The following METTL9 variants were observed in gnomAD, a reference collection of about 807,000 sequenced individuals.
METTL9 encodes protein-L-histidine N-pros-methyltransferase.
A neutral mutation model predicts 36.0 loss-of-function variants in METTL9; 10 were observed. The ratio of observed to expected loss-of-function variants is 0.28; its 90% CI spans 0.17 to 0.47. The LOEUF is 0.47. Ranked by LOEUF, METTL9 falls within the 20% of genes least tolerant of loss-of-function variation. The pLI is 0.99. For missense variants in METTL9, 246 were observed against 383.5 expected (o/e 0.64, Z 3.00); for synonymous variants, 175 against 149.7 (o/e 1.17, Z -1.23).
chr16:21,606,393 A>T (rs1343141685), intron 1 of METTL9, among the ~76,000 whole-genome samples: 1 of 152,042 alleles, frequency 6.6e-6, no homozygotes, highest in Non-Finnish European at 1.5e-5. Flanking sequence ...ATTACAAAGG[A>T]TACAATTGGG....
chr16:21,602,004 G>A (rs1965144750), intron 1 of METTL9, among the ~76,000 whole-genome samples: 1 of 152,158 alleles, frequency 6.6e-6, no homozygotes, highest in Non-Finnish European at 1.5e-5. Flanking sequence ...TCTGCACTGT[G>A]GCTGGAGTTG....
chr16:21,632,664 C>T (rs535989275), intron 4 of METTL9, among the ~76,000 whole-genome samples: 26 of 152,138 alleles, frequency 1.7e-4, no homozygotes, highest in Non-Finnish European at 3.7e-4. Context: ...TAGCCATAAA[C>T]TTCCTTTGGC....
chr16:21,628,487 TTC>T (rs1377609443), intron 4 of METTL9, among the ~76,000 whole-genome samples: 3 of 152,080 alleles, frequency 2.0e-5, no homozygotes, highest in Non-Finnish European at 2.9e-5. Flanking sequence ...CCACTTTTTT[TTC>T]TTTCTTTCTT....
intron 4 of METTL9, chr16:21,626,836 G>C: frequency 1.6e-6 from 1 of 630,554 alleles, no homozygotes; most frequent in Non-Finnish European, 2.0e-6. Context: ...CCGCATGATA[G>C]AACTTTAATG....
At chr16:21,601,530 GCA>G (rs1965126398) in intron 1 of METTL9, among the ~76,000 whole-genome samples, 1 of 152,042 alleles carries the variant, frequency 6.6e-6, no homozygotes, top group South Asian at 2.1e-4. Context: ...TAAAAGAATT[GCA>G]CTTATTTTAA....
Position 21,599,638 on chromosome 16 carries a change from G to T in METTL9, c.-96G>T. 2 of 1,339,872 alleles carry T rather than the reference G, an allele frequency of 1.5e-6. No individual in the cohort carries two copies. Among genetic ancestry groups the T allele is most frequent in the Non-Finnish European group, 1.9e-6 (2 of 1,054,576 alleles). The allele number at this position is 1,339,872 out of a possible 1,614,324, so 83.0% of individuals were successfully genotyped here. On this transcript the variant is annotated 5_prime_UTR_variant, in exon 1 of 5. Coordinates refer to ENST00000358154, the MANE Select transcript of METTL9 (RefSeq NM_016025.5). This position sits in a 1 kb window ranked among gnomAD's most constrained non-coding sequence, Gnocchi z 4.4. ...ATGGGCAAGGCGGCCGCGATGGCTC[G>T]AGCTCGGGCGGTGGCGGCGGTGGCC...
At chr16:21,641,641 A>G (rs755247365) in intron 4 of METTL9, 13 of 1,247,408 alleles carry the variant, frequency 1.0e-5, no homozygotes, top group East Asian at 4.8e-5. Flanking sequence ...TATGTAACCA[A>G]TGAAGCCAAC....
Position 21,641,170 on chromosome 16 carries a change from C to G in METTL9, c.752-14057C>G, listed in dbSNP as rs149283702. The G allele has an allele frequency of 3.1e-3, 496 of 161,328 alleles. 4 individuals are homozygous for G. Among genetic ancestry groups the G allele is most frequent in the South Asian group, 0.016 (80 of 5,004 alleles). The allele number at this position is 161,328 out of a possible 1,614,324, so 10.0% of individuals were successfully genotyped here. ...ACTTATTTTAATTGTGCCATGATTT[C>G]CACAAACCATAAAGGTGATTCTTCC... On this transcript the variant is annotated intron_variant, in intron 4 of 4. Transcript: ENST00000358154.
chr16:21,617,499 G>A (rs1231799563), intron 2 of METTL9, among the ~76,000 whole-genome samples: 1 of 151,786 alleles, frequency 6.6e-6, no homozygotes, highest in African/African-American at 2.4e-5. Context: ...AGGCCGAGGC[G>A]GGTAGATCAC....
rs566295257 is a variant in METTL9, at chr16:21,646,171, G to A, written c.752-9056G>A. On this transcript the variant is annotated intron_variant, in intron 4 of 4. Transcript: ENST00000358154. Reference sequence around the variant, plus strand: ...CTGAAATTCCCCCTTTTTTTTTCTCGGGAATGTCTTAATCTCAGTTTACTC... The same window carrying A: ...CTGAAATTCCCCCTTTTTTTTTCTCAGGAATGTCTTAATCTCAGTTTACTC... 7.4e-5 allele frequency among the ~76,000 whole-genome samples: 11 copies of A among 149,596 alleles called. No homozygotes were observed. In the South Asian group the frequency reaches 2.1e-3, roughly 29 times the overall value.
intron 4 of METTL9, chr16:21,654,935 C>G (rs530612958): frequency 1.0e-5 from 4 of 401,496 alleles, no homozygotes. Flanking sequence ...CTACCCAAAA[C>G]TGTCAGAGAA....
chr16:21,599,473 C>T (rs996608878), upstream of METTL9: 2 of 1,175,412 alleles, frequency 1.7e-6, no homozygotes, highest in Non-Finnish European at 2.1e-6. The surrounding 1 kb of genome is among the most constrained non-coding windows in gnomAD (Gnocchi z 4.4). Flanking sequence ...GAGAAAGCGA[C>T]GCGGCCGCTC....
intron 4 of METTL9, among the ~76,000 whole-genome samples, chr16:21,637,023 AC>A (rs1242846836): frequency 1.3e-5 from 2 of 152,118 alleles, no homozygotes; most frequent in Non-Finnish European, 2.9e-5. Flanking sequence ...AGTGAGTATT[AC>A]AGCTCTTAAA....
chr16:21,608,640 G>A (rs1011902246), intron 1 of METTL9, among the ~76,000 whole-genome samples: 68 of 152,112 alleles, frequency 4.5e-4, no homozygotes, highest in African/African-American at 1.5e-3. Flanking sequence ...GGACATTTTG[G>A]GCTGTCATTT....
chr16:21,626,562 C>A (rs758390871), intron 4 of METTL9, among the ~76,000 whole-genome samples: 5 of 152,156 alleles, frequency 3.3e-5, no homozygotes, highest in African/African-American at 1.2e-4. Context: ...GCAGAGAGAA[C>A]AGATCTCCCC....
intron 4 of METTL9, chr16:21,641,107 A>T (rs895312918): frequency 6.5e-6 from 1 of 153,886 alleles, no homozygotes; most frequent in African/African-American, 2.4e-5. Flanking sequence ...TTCAAAATGA[A>T]TGTCTCTAAC....
At chr16:21,617,270 TAGTC>T (rs1965576331) in intron 2 of METTL9, among the ~76,000 whole-genome samples, 1 of 145,650 alleles carries the variant, frequency 6.9e-6, no homozygotes, top group South Asian at 2.2e-4. Context: ...TCCAAAAAAT[TAGTC>T]AGGTGTGGTG....
intron 4 of METTL9, among the ~76,000 whole-genome samples, chr16:21,636,700 C>T (rs1966103596): frequency 6.6e-6 from 1 of 152,212 alleles, no homozygotes; most frequent in South Asian, 2.1e-4. Context: ...AGGCCAACCA[C>T]CGCTCCCAAC....
chr16:21,613,543 A>G (rs2152893902), intron 2 of METTL9, among the ~76,000 whole-genome samples: 1 of 152,264 alleles, frequency 6.6e-6, no homozygotes, highest in East Asian at 1.9e-4. Flanking sequence ...GTTCTGGACC[A>G]CAAAGTAGCA....
Sources: gnomAD v4.1 joint callset for allele counts (sites outside exome capture counted in the v4.1 genomes callset) on GRCh38, gnomAD v4.1.1 for gene constraint, Gnocchi (gnomAD v3.1) non-coding constraint, MANE v1.5 for transcripts, NCBI Gene and HGNC (gene_info 2026-07-23, HGNC 2026-07-21) for gene names.